Variants in PIK3R1 observed in about 807,000 individuals in gnomAD.
PIK3R1 encodes the protein phosphatidylinositol 3-kinase regulatory subunit alpha.
In PIK3R1, 29 loss-of-function variants were observed where a neutral mutation model predicts 98.0. That is an observed-to-expected ratio of 0.30 (90% CI 0.22 to 0.40). The LOEUF is 0.40. PIK3R1 is among the 10% of genes least tolerant of loss of function. The probability of loss-of-function intolerance (pLI) is 1.00; values close to 1 mark genes in which losing one functional copy is unlikely to be tolerated. For missense variants in PIK3R1, 596 were observed against 872.7 expected, an observed-to-expected ratio of 0.68 and a Z score of 3.99; for synonymous variants, 282 against 311.8, an observed-to-expected ratio of 0.90 and a Z score of 1.01.
chr5:68,219,842 A>G (rs561633140), intron 1 of PIK3R1, among the ~76,000 whole-genome samples: 1 of 152,340 alleles, frequency 6.6e-6, no homozygotes, highest in South Asian at 2.1e-4. Context: ...TACTAATAGA[A>G]ATAATAGTAA....
chr5:68,256,624 C>T (rs1208415046), intron 2 of PIK3R1, among the ~76,000 whole-genome samples: 3 of 152,110 alleles, frequency 2.0e-5, no homozygotes, highest in Non-Finnish European at 4.4e-5. Flanking sequence ...TGTTGAAGCA[C>T]CAACAGTATG....
intron 3 of PIK3R1, 142 bp downstream of exon 3, chr5:68,273,624 G>T: frequency 1.4e-6 from 1 of 727,656 alleles, no homozygotes. Flanking sequence ...CAAACTGTTT[G>T]GGGCTAAGTA....
At chr5:68,248,215 A>G (rs1054352295) in intron 2 of PIK3R1, among the ~76,000 whole-genome samples, 1 of 151,996 alleles carries the variant, frequency 6.6e-6, no homozygotes, top group Non-Finnish European at 1.5e-5. Context: ...CTTGACCTCA[A>G]GAGTGACCCA....
chr5:68,276,097 G>A (rs1462921818), intron 4 of PIK3R1, among the ~76,000 whole-genome samples: 1 of 151,728 alleles, frequency 6.6e-6, no homozygotes, highest in Non-Finnish European at 1.5e-5. Flanking sequence ...TTTTAATTTT[G>A]CCCTAAAATG....
At chr5:68,262,403 T>TATATATATATATATATATATATACAC (rs33968242) in intron 2 of PIK3R1, among the ~76,000 whole-genome samples, 48 of 140,584 alleles carry the variant, frequency 3.4e-4, no homozygotes, top group Admixed American at 8.4e-4. Context: ...TATATATATA[T>TATATATATATATATATATATATACAC]ACACACACGC....
chr5:68,282,503 C>T (rs900876500), intron 7 of PIK3R1, among the ~76,000 whole-genome samples: 2 of 152,144 alleles, frequency 1.3e-5, no homozygotes, highest in Non-Finnish European at 2.9e-5. Flanking sequence ...GACAGATACC[C>T]ACAAATGAAT....
chr5:68,226,826 G>A lies in PIK3R1; in HGVS notation c.151G>A (p.Glu51Lys). 6.2e-7 allele frequency: 1 copy of A among 1,614,124 alleles called. No homozygotes were observed. The highest frequency in any genetic ancestry group is 8.5e-7 in the Non-Finnish European group (1 of 1,180,018). Residue 51 changes from glutamate (E) to lysine (K), a missense_variant, in exon 2 of 16, where the codon GAA becomes AAA. Glu to Lys is a moderately conservative substitution (Grantham distance 56). Coordinates refer to ENST00000521381, the MANE Select transcript of PIK3R1 (RefSeq NM_181523.3). The part of the protein sequence containing the change: ...GFSDGQEARP[E>K]EIGWLNGYNE... ...CAGTGATGGACAGGAAGCCAGGCCT[G>A]AAGAAATTGGCTGGTTAAATGGCTA... is the stretch of plus-strand genomic sequence containing the variant.
intron 2 of PIK3R1, among the ~76,000 whole-genome samples, chr5:68,246,850 A>C (rs1745113704): frequency 6.6e-6 from 1 of 152,204 alleles, no homozygotes; most frequent in Non-Finnish European, 1.5e-5. Flanking sequence ...CAGTAGCTTA[A>C]TAAATAACAA....
intron 2 of PIK3R1, among the ~76,000 whole-genome samples, chr5:68,230,045 CCT>C (rs1389809957): frequency 4.6e-5 from 7 of 152,176 alleles, no homozygotes; most frequent in Admixed American, 4.6e-4. Context: ...GCCAGCATGC[CCT>C]GAGATGCTCT....
intron 12 of PIK3R1, among the ~76,000 whole-genome samples, 177 bp from the exon 13 acceptor site, chr5:68,294,966 TAAAAA>T (rs531359666): frequency 0.019 from 1,116 of 57,652 alleles, 8 homozygotes; most frequent in Middle Eastern, 0.066. Context: ...ATAATAAAAA[TAAAAA>T]AATAAAATAA....
intron 2 of PIK3R1, among the ~76,000 whole-genome samples, chr5:68,241,257 G>A (rs1194126454): frequency 6.6e-6 from 1 of 152,016 alleles, no homozygotes; most frequent in African/African-American, 2.4e-5. Flanking sequence ...AAAAAGAAGA[G>A]TTGATACTTA....
intron 11 of PIK3R1, 39 bp from the exon 12 acceptor site, chr5:68,294,494 CTAT>C (rs764626181): frequency 6.7e-7 from 1 of 1,497,028 alleles, no homozygotes; most frequent in South Asian, 1.2e-5. Context: ...AGAGATTGTT[CTAT>C]GAAAGGTATG....
intron 7 of PIK3R1, chr5:68,288,395 G>T: frequency 8.5e-7 from 1 of 1,170,698 alleles, no homozygotes; most frequent in Non-Finnish European, 1.1e-6. Context: ...ACGTGCGAGC[G>T]CCTGGGCTCC....
At chr5:68,218,096 T>TTTAGCGATTTC (rs1011555698) in intron 1 of PIK3R1, among the ~76,000 whole-genome samples, 3 of 151,984 alleles carry the variant, frequency 2.0e-5, no homozygotes, top group African/African-American at 7.2e-5. Flanking sequence ...ATGTTTTTTC[T>TTTAGCGATTTC]TTAGCGATTT....
At chr5:68,227,439 A>G (rs13173003) in intron 2 of PIK3R1, among the ~76,000 whole-genome samples, 40,158 of 152,056 alleles carry the variant, frequency 0.26, 6,012 homozygotes, top group East Asian at 0.68. Context: ...TCAGTGGTCA[A>G]GGGGTATAAT....
chr5:68,272,800 G>A (rs1464856310), intron 2 of PIK3R1, among the ~76,000 whole-genome samples: 1 of 152,192 alleles, frequency 6.6e-6, no homozygotes, highest in Non-Finnish European at 1.5e-5. Flanking sequence ...TTCTGGATCT[G>A]AGACTCAGCC....
At chr5:68,293,518 G>A (rs759545475) in intron 10 of PIK3R1, 35 bp downstream of exon 10, 12 of 1,495,560 alleles carry the variant, frequency 8.0e-6, no homozygotes, top group Middle Eastern at 2.1e-4. Flanking sequence ...CAGTTACGAT[G>A]TTTAGACAAG....
intron 15 of PIK3R1, among the ~76,000 whole-genome samples, chr5:68,296,788 G>A (rs966765000): frequency 1.3e-5 from 2 of 152,144 alleles, no homozygotes; most frequent in Non-Finnish European, 2.9e-5. Context: ...CTTGAGATAG[G>A]TACACCCACA....
intron 2 of PIK3R1, among the ~76,000 whole-genome samples, chr5:68,228,920 AT>A (rs1353371972): frequency 6.6e-6 from 1 of 152,172 alleles, no homozygotes; most frequent in Non-Finnish European, 1.5e-5. Context: ...ATCCTAAACT[AT>A]TTTATAATGC....
Sources: gnomAD v4.1 joint callset for allele counts (sites outside exome capture counted in the v4.1 genomes callset) on GRCh38, gnomAD v4.1.1 for gene constraint, MANE v1.5 for transcripts, NCBI Gene and HGNC (gene_info 2026-07-23, HGNC 2026-07-21) for gene names.